Variants in FGF14 observed in about 807,000 individuals in gnomAD.
FGF14 encodes fibroblast growth factor homologous factor 4.
In FGF14, 5 loss-of-function variants were observed where a neutral mutation model predicts 25.5. That is an observed-to-expected ratio of 0.20 (90% CI 0.10 to 0.41). The LOEUF (loss-of-function observed/expected upper bound fraction) is 0.41. Among genes scored for constraint, FGF14 ranks in the 10% least tolerant of loss-of-function variants. FGF14 has a pLI of 1.00. For synonymous variants in FGF14, 138 were observed against 118.3 expected (o/e 1.17, Z -1.08); for missense variants, 222 against 320.1 (o/e 0.69, Z 2.34).
chr13:101,880,310 G>A (rs1366757017), intron 1 of FGF14, among the ~76,000 whole-genome samples: 1 of 152,186 alleles, frequency 6.6e-6, no homozygotes, highest in African/African-American at 2.4e-5. Context: ...GCTCACGCCT[G>A]TAATCCCAGC....
chr13:102,280,380 G>A (rs1737744520), intron 1 of FGF14, among the ~76,000 whole-genome samples: 1 of 152,276 alleles, frequency 6.6e-6, no homozygotes, highest in Admixed American at 6.5e-5. Context: ...CCAAGGAAAT[G>A]TTTTATGTGA....
At chr13:102,163,146 A>G (rs2047851998) in intron 1 of FGF14, among the ~76,000 whole-genome samples, 1 of 152,178 alleles carries the variant, frequency 6.6e-6, no homozygotes, top group Admixed American at 6.6e-5. Flanking sequence ...AATAATGTAA[A>G]TACTTGTAAA....
chr13:102,224,532 A>C (rs1343012963), intron 1 of FGF14, among the ~76,000 whole-genome samples: 2 of 152,168 alleles, frequency 1.3e-5, no homozygotes, highest in Non-Finnish European at 2.9e-5. Context: ...TAGGACAAAA[A>C]GAGGGCAACA....
intron 1 of FGF14, among the ~76,000 whole-genome samples, chr13:102,106,143 T>G (rs556654766): frequency 1.3e-5 from 2 of 152,326 alleles, no homozygotes; most frequent in South Asian, 4.1e-4. Context: ...TTTTATAAAA[T>G]AAAATTTAGT....
At chr13:101,965,012 C>T (rs1692989122) in intron 1 of FGF14, among the ~76,000 whole-genome samples, 1 of 152,112 alleles carries the variant, frequency 6.6e-6, no homozygotes, top group Admixed American at 6.5e-5. Context: ...GAGGGCAAGG[C>T]AGGCAAACCA....
intron 1 of FGF14, among the ~76,000 whole-genome samples, chr13:102,161,584 A>AGG (rs2047664070): frequency 4.0e-4 from 1 of 2,486 alleles, no homozygotes; most frequent in Non-Finnish European, 5.9e-4. Context: ...AAAGAAGAAG[A>AGG]AGAAGAAGAA....
intron 1 of FGF14, among the ~76,000 whole-genome samples, chr13:101,910,143 A>G (rs2032755569): frequency 6.6e-6 from 1 of 152,138 alleles, no homozygotes; most frequent in South Asian, 2.1e-4. Flanking sequence ...ACCTAATGTT[A>G]AATGACGAGT....
At chr13:101,858,404 C>G (rs1218423788) in intron 3 of FGF14, among the ~76,000 whole-genome samples, 1 of 151,886 alleles carries the variant, frequency 6.6e-6, no homozygotes, top group Non-Finnish European at 1.5e-5. Flanking sequence ...TTGTCATTTA[C>G]CATATGATAT....
In FGF14 at chr13:101,788,085, C is replaced by T. The variant is rs74370951; in HGVS notation, c.409-61275G>A. ...ACAGGGTTTTGCCATGTTGGTCAGG[C>T]TGGTCTCAAAGTCCTGACAGCAGGT... On this transcript the variant is annotated intron_variant, in intron 3 of 4. Transcript: ENST00000376143. 6.7e-3 allele frequency among the ~76,000 whole-genome samples: 1,013 copies of T among 152,184 alleles called. 15 individuals are homozygous for T. Among genetic ancestry groups the T allele is most frequent in the African/African-American group, 0.023 (973 of 41,518 alleles).
At chr13:102,390,125 A>C (rs1368258240) in intron 1 of FGF14, among the ~76,000 whole-genome samples, 1 of 152,246 alleles carries the variant, frequency 6.6e-6, no homozygotes, top group African/African-American at 2.4e-5. Context: ...AATGATATGA[A>C]GTTCTACTAT....
intron 3 of FGF14, among the ~76,000 whole-genome samples, chr13:101,862,409 C>T (rs186255172): frequency 2.0e-5 from 3 of 151,930 alleles, no homozygotes; most frequent in East Asian, 3.9e-4. Context: ...ACTCCAATGT[C>T]TCTCTTTATA....
At chr13:102,290,896 ACT>A (rs1468431369) in intron 1 of FGF14, among the ~76,000 whole-genome samples, 2 of 152,072 alleles carry the variant, frequency 1.3e-5, no homozygotes, top group Non-Finnish European at 2.9e-5. Flanking sequence ...GCAAAGGATA[ACT>A]CTGTCTTTGT....
At chr13:102,303,999 A>G (rs2055226177) in intron 1 of FGF14, among the ~76,000 whole-genome samples, 1 of 152,144 alleles carries the variant, frequency 6.6e-6, no homozygotes, top group East Asian at 1.9e-4. Context: ...GAATTAGCAT[A>G]TCTTCAATTT....
intron 3 of FGF14, among the ~76,000 whole-genome samples, chr13:101,744,449 T>G (rs1450097915): frequency 6.6e-6 from 1 of 152,150 alleles, no homozygotes; most frequent in East Asian, 1.9e-4. Flanking sequence ...TTACATTTTT[T>G]TCATTTTAGC....
chr13:101,760,053 A>G (rs552097206), intron 3 of FGF14, among the ~76,000 whole-genome samples: 1 of 152,292 alleles, frequency 6.6e-6, no homozygotes, highest in African/African-American at 2.4e-5. Flanking sequence ...GGTGACTCCA[A>G]TGGTCTTTTC....
chr13:101,957,434 G>A (rs1252707793), intron 1 of FGF14, among the ~76,000 whole-genome samples: 1 of 152,130 alleles, frequency 6.6e-6, no homozygotes, highest in African/African-American at 2.4e-5. Flanking sequence ...ACAGAGTATT[G>A]AATAGTCAGC....
chr13:102,102,478 A>C (rs2044707093), intron 1 of FGF14, among the ~76,000 whole-genome samples: 1 of 152,212 alleles, frequency 6.6e-6, no homozygotes, highest in Non-Finnish European at 1.5e-5. Context: ...TGTAACCAGC[A>C]GAGTTGGGGA....
chr13:102,214,211 C>A (rs2050274187), intron 1 of FGF14, among the ~76,000 whole-genome samples: 3 of 152,224 alleles, frequency 2.0e-5, no homozygotes, highest in African/African-American at 7.2e-5. Context: ...TCAGGAAGAT[C>A]CTTTCACTCT....
chr13:101,819,648 GT>G (rs2042015173), intron 3 of FGF14, among the ~76,000 whole-genome samples: 1 of 152,200 alleles, frequency 6.6e-6, no homozygotes, highest in Non-Finnish European at 1.5e-5. Context: ...CGTCAGCTTA[GT>G]TTTATTTCCA....
Sources: allele counts gnomAD v4.1 joint callset (sites outside exome capture counted in the v4.1 genomes callset), GRCh38; gene constraint gnomAD v4.1.1; transcripts MANE v1.5; gene names NCBI Gene and HGNC (gene_info 2026-07-23, HGNC 2026-07-21).